The following MAB21L3 variants were observed in gnomAD, a reference collection of about 807,000 sequenced individuals.
The protein encoded by MAB21L3 is protein mab-21-like 3.
Under a neutral mutation model 37.7 loss-of-function variants are expected in MAB21L3, and 36 were observed. The ratio of observed to expected loss-of-function variants is 0.96; its 90% confidence interval spans 0.73 to 1.26. MAB21L3 has a LOEUF of 1.26. Among genes scored for constraint, MAB21L3 ranks in the 50% most tolerant of loss-of-function variants. The pLI is 0.00. For synonymous variants in MAB21L3, 186 were observed against 176.8 expected (o/e 1.05, Z -0.41); for missense variants, 430 against 447.3 (o/e 0.96, Z 0.35).
At position 116,120,975 on chromosome 1, in the gene MAB21L3, T is replaced by C. The variant is rs1329413674; in HGVS notation, c.92T>C (p.Val31Ala). 2.5e-6 allele frequency: 4 copies of C among 1,614,000 alleles called. No individual in the cohort carries two copies. In the South Asian group the frequency reaches 3.3e-5, roughly 13 times the overall value. The change falls in exon 4 of 8, where the codon GTG (valine) becomes GCG (alanine). Residue 31 changes from valine (V) to alanine (A), a missense_variant. Transcript: ENST00000369500. ...RQQISQAVEE[V>A]QKVVHHLTTN... ...CAGATTTCCCAGGCTGTGGAGGAGG[T>C]GCAGAAAGTCGTTCATCATTTGACC...
chr1:116,117,401 C>T (rs936982539), intron 3 of MAB21L3, among the ~76,000 whole-genome samples: 1 of 151,928 alleles, frequency 6.6e-6, no homozygotes, highest in African/African-American at 2.4e-5. Context: ...ACTTCAGGTC[C>T]CTGAAGTGGC....
chr1:116,127,102 T>C lies in MAB21L3; in HGVS notation c.482-364T>C, dbSNP rs545769910. ...CTCATCGTAAGTCAAGGAGCATCTA[T>C]ACTACACTTTTTCTTTTTATTCTAT... On this transcript the variant is annotated intron_variant, in intron 5 of 7. Coordinates refer to ENST00000369500, the MANE Select transcript of MAB21L3 (RefSeq NM_152367.3). Among the ~76,000 whole-genome samples, 5 of 152,338 alleles carry C rather than the reference T, an allele frequency of 3.3e-5. No individual in the cohort carries two copies. The East Asian group carries it at 9.6e-4, about 29-fold the overall frequency.
chr1:116,136,734 G>A lies in MAB21L3; in HGVS notation c.*3369G>A, dbSNP rs1233671903. On this transcript the variant is annotated 3_prime_UTR_variant, in exon 8 of 8. Transcript: ENST00000369500. ...ACCTGACTTCAAACTATACTACAAG[G>A]CTACAGTAACCAAAACAGCATGGTA... Among the ~76,000 whole-genome samples, 2 of 152,000 alleles carry A rather than the reference G, an allele frequency of 1.3e-5. No homozygotes were observed. Among genetic ancestry groups the A allele is most frequent in the African/African-American group, 4.8e-5 (2 of 41,386 alleles).
Position 116,133,683 on chromosome 1 carries a change from T to C in MAB21L3, c.*318T>C. On this transcript the variant is annotated 3_prime_UTR_variant, in exon 8 of 8. Coordinates refer to ENST00000369500, the MANE Select transcript of MAB21L3 (RefSeq NM_152367.3). ...GTTTCCCTTGTTCAGGCTGTGATCG[T>C]CTCACAGTGAAGATGGAGACAGAAC... The C allele has an allele frequency of 2.4e-6, 1 of 410,658 alleles. No homozygotes were observed. The highest frequency in any genetic ancestry group is 4.5e-6 in the Non-Finnish European group (1 of 222,320). 25.4% of individuals were successfully genotyped at this position (410,658 alleles called of 1,614,324 possible).
intron 3 of MAB21L3, among the ~76,000 whole-genome samples, chr1:116,114,199 A>G (rs578020536): frequency 6.6e-6 from 1 of 152,212 alleles, no homozygotes; most frequent in Non-Finnish European, 1.5e-5. Flanking sequence ...TTGGCAACTT[A>G]CATGTCATAT....
chr1:116,124,201 G>T lies in MAB21L3; in HGVS notation c.325G>T (p.Gly109Cys), dbSNP rs1466926118. The change falls in exon 5 of 8, where the codon GGT (glycine) becomes TGT (cysteine). Residue 109 changes from glycine to cysteine, a missense_variant. Gly to Cys is a radical substitution (Grantham distance 159). Transcript: ENST00000369500. ...GCCCTGCCCGTTGCGGGACCCTGAGGGTCTGCAGCAGTGGCTGGAGGTGGA... is the reference window on the plus strand; with the variant it reads ...GCCCTGCCCGTTGCGGGACCCTGAGTGTCTGCAGCAGTGGCTGGAGGTGGA... ...RLPCPLRDPE[G>C]LQQWLEVEQF... 2 of 1,614,144 alleles carry T rather than the reference G, an allele frequency of 1.2e-6. No homozygotes were observed. The highest frequency in any genetic ancestry group is 2.7e-5 in the African/African-American group (2 of 74,940).
At chr1:116,119,478 T>C (rs76215073) in intron 3 of MAB21L3, among the ~76,000 whole-genome samples, 3,098 of 152,314 alleles carry the variant, frequency 0.02, 105 homozygotes, top group African/African-American at 0.067. Flanking sequence ...ACTTGGACTT[T>C]TTTTTTCTGG....
intron 4 of MAB21L3, among the ~76,000 whole-genome samples, chr1:116,123,321 C>T (rs1238432746): frequency 2.0e-5 from 3 of 152,122 alleles, no homozygotes; most frequent in African/African-American, 7.2e-5. Context: ...CAACAGCTCA[C>T]ATTGTCTCAA....
intron 6 of MAB21L3, 120 bp downstream of exon 6, chr1:116,127,764 T>G (rs750007731): frequency 9.0e-7 from 1 of 1,114,258 alleles, no homozygotes; most frequent in Non-Finnish European, 1.3e-6. Context: ...GATCAGCAGT[T>G]CTCAAAGTGT....
chr1:116,128,318 T>C lies in MAB21L3; in HGVS notation c.834T>C (p.Val278=). 3 of 1,612,850 alleles carry C rather than the reference T, an allele frequency of 1.9e-6. No homozygotes were observed. The highest frequency in any genetic ancestry group is 2.5e-6 in the Non-Finnish European group (3 of 1,179,746). Residue 278 remains valine (V), a synonymous_variant, in exon 7 of 8, where the codon GTT becomes GTC. Transcript: ENST00000369500. The stretch of plus-strand genomic sequence containing the variant: ...TCTGGTGCCCAGGGAACAGGCCGGT[T>C]ATCACGTCCCACCATCTGCAGGTGA... ...EDIWCPGNRP[V]ITSHHLQTVL...
chr1:116,123,487 AC>A (rs1332553973), intron 4 of MAB21L3, among the ~76,000 whole-genome samples: 1 of 152,140 alleles, frequency 6.6e-6, no homozygotes, highest in African/African-American at 2.4e-5. Flanking sequence ...CAAAACATTC[AC>A]CATTCCATGT....
intron 3 of MAB21L3, among the ~76,000 whole-genome samples, chr1:116,117,038 G>GCATACATACACACATGTA (rs1460882303): frequency 2.0e-5 from 3 of 151,720 alleles, no homozygotes; most frequent in Non-Finnish European, 2.9e-5. Flanking sequence ...TGTGTTATGT[G>GCATACATACACACATGTA]CATACATACA....
At chr1:116,120,408 CACACACACACACACACACACACAA>C (rs1376710160) in intron 3 of MAB21L3, among the ~76,000 whole-genome samples, 12 of 127,078 alleles carry the variant, frequency 9.4e-5, no homozygotes, top group Admixed American at 7.3e-5. Flanking sequence ...ATTATACACA[CACACACACACACACACACACACAA>C]ACACACACAC....
Position 116,138,057 on chromosome 1 carries a change from G to T in MAB21L3, c.*4692G>T, listed in dbSNP as rs2101623048. Among the ~76,000 whole-genome samples the T allele has an allele frequency of 6.6e-6, 1 of 151,108 alleles. No homozygotes were observed. On this transcript the variant is annotated 3_prime_UTR_variant, in exon 8 of 8. Coordinates refer to ENST00000369500, the MANE Select transcript of MAB21L3 (RefSeq NM_152367.3). ...GTTAGTGGGTGCAGCGCACCAGCAT[G>T]GCACATGTATACATATGTAACTAAC...
At chr1:116,133,005 T>C (rs777928300) in intron 7 of MAB21L3, 127 bp from the exon 8 acceptor site, 2 of 760,058 alleles carry the variant, frequency 2.6e-6, no homozygotes, top group South Asian at 3.5e-5. Context: ...GAATTCATGG[T>C]AGATCCAGTC....
At position 116,135,314 on chromosome 1, in the gene MAB21L3, G is replaced by A. The variant is rs901186084; in HGVS notation, c.*1949G>A. On this transcript the variant is annotated 3_prime_UTR_variant, in exon 8 of 8. Coordinates refer to ENST00000369500, the MANE Select transcript of MAB21L3 (RefSeq NM_152367.3). Reference sequence around the variant, plus strand: ...AGGGGATATCACCACCGATCCCACAGAAATACAAACTACCATCAGAGAATA... The same window carrying A: ...AGGGGATATCACCACCGATCCCACAAAAATACAAACTACCATCAGAGAATA... 7.2e-5 allele frequency: 11 copies of A among 152,074 alleles called. No homozygotes were observed. Among genetic ancestry groups the A allele is most frequent in the Non-Finnish European group, 1.6e-4 (11 of 68,016 alleles). 9.4% of individuals were successfully genotyped at this position (152,074 alleles called of 1,614,324 possible).
intron 7 of MAB21L3, among the ~76,000 whole-genome samples, chr1:116,130,237 A>T (rs940397677): frequency 3.3e-5 from 5 of 151,824 alleles, no homozygotes; most frequent in African/African-American, 9.7e-5. Context: ...GCAAATCTGT[A>T]CTCCCCACAA....
intron 7 of MAB21L3, among the ~76,000 whole-genome samples, chr1:116,129,079 C>T (rs1659992657): frequency 6.6e-6 from 1 of 152,248 alleles, no homozygotes; most frequent in Admixed American, 6.5e-5. Context: ...AGATGTGTTT[C>T]CTCACTCATG....
chr1:116,129,711 T>G (rs1295488254), intron 7 of MAB21L3, among the ~76,000 whole-genome samples: 1 of 152,246 alleles, frequency 6.6e-6, no homozygotes, highest in African/African-American at 2.4e-5. Flanking sequence ...CTCCCAATGC[T>G]TTGTACATAG....
Sources: gnomAD v4.1 joint callset for allele counts (sites outside exome capture counted in the v4.1 genomes callset) on GRCh38, gnomAD v4.1.1 for gene constraint, MANE v1.5 for transcripts, NCBI Gene and HGNC (gene_info 2026-07-23, HGNC 2026-07-21) for gene names.